The following TCF7L1 variants were observed in gnomAD, a reference collection of about 807,000 sequenced individuals.
TCF7L1 encodes the protein transcription factor 7 like 1.
Under a neutral mutation model 63.7 loss-of-function variants are expected in TCF7L1, and 18 were observed. The observed-to-expected ratio is 0.28, with a 90% CI of 0.20 to 0.42. The LOEUF (loss-of-function observed/expected upper bound fraction) is 0.42. TCF7L1 is among the 10% of genes least tolerant of loss of function. The pLI is 1.00. For missense variants in TCF7L1, 654 were observed against 779.3 expected (o/e 0.84, Z 1.91); for synonymous variants, 355 against 340.9 (o/e 1.04, Z -0.46).
chr2:85,309,658 A>G lies in TCF7L1; in HGVS notation c.*196A>G. On this transcript the variant is annotated 3_prime_UTR_variant, in exon 12 of 12. Coordinates refer to ENST00000282111, the MANE Select transcript of TCF7L1 (RefSeq NM_031283.3). ...TAAGGCTTTTTTAAAAAACAAAACA[A>G]AACAACAAAAAAAAATCTTTATAAG... 1 of 489,398 alleles carries G rather than the reference A, an allele frequency of 2.0e-6. No individual in the cohort carries two copies. The highest frequency in any genetic ancestry group is 3.4e-6 in the Non-Finnish European group (1 of 292,440). The allele number at this position is 489,398 out of a possible 1,614,324, so 30.3% of individuals were successfully genotyped here.
At chr2:85,221,840 C>A (rs1222539243) in intron 3 of TCF7L1, among the ~76,000 whole-genome samples, 1 of 151,770 alleles carries the variant, frequency 6.6e-6, no homozygotes, top group Non-Finnish European at 1.5e-5. Flanking sequence ...TTGATCAAGC[C>A]TCTAGATCTA....
At chr2:85,288,671 C>T (rs542265070) in intron 4 of TCF7L1, among the ~76,000 whole-genome samples, 2 of 152,252 alleles carry the variant, frequency 1.3e-5, no homozygotes, top group South Asian at 2.1e-4. Flanking sequence ...CAACTGGGCC[C>T]GGGTGCGGGA....
At chr2:85,136,489 T>G (rs1213353716) in intron 3 of TCF7L1, among the ~76,000 whole-genome samples, 1 of 152,194 alleles carries the variant, frequency 6.6e-6, no homozygotes, top group Non-Finnish European at 1.5e-5. Flanking sequence ...TCTGCATGCC[T>G]CTCTGACTGT....
rs937867863 is a variant in TCF7L1, at chr2:85,310,281, GCTT to G, written c.*825_*827del. Reference sequence around the variant, plus strand: ...TGTTCCCTTCCCCATCACCTCACATGCTTCTTCTGTGTGTATTTCTTTTTGTTT... The same window carrying G: ...TGTTCCCTTCCCCATCACCTCACATGCTTCTGTGTGTATTTCTTTTTGTTT... On this transcript the variant is annotated 3_prime_UTR_variant, in exon 12 of 12. Coordinates refer to ENST00000282111, the MANE Select transcript of TCF7L1 (RefSeq NM_031283.3). 4 of 152,570 alleles carry G rather than the reference GCTT, an allele frequency of 2.6e-5. No homozygotes were observed. Among genetic ancestry groups the G allele is most frequent in the African/African-American group, 7.2e-5 (3 of 41,422 alleles). The allele number at this position is 152,570 out of a possible 1,614,324, so 9.5% of individuals were successfully genotyped here. A position where few individuals can be genotyped will look rare whatever the true frequency, so the allele number is the denominator to read the frequency against.
chr2:85,230,491 G>A (rs977740172), intron 3 of TCF7L1, among the ~76,000 whole-genome samples: 10 of 151,980 alleles, frequency 6.6e-5, no homozygotes, highest in African/African-American at 2.2e-4. Context: ...CCATCACCAC[G>A]CCCAGCTAAT....
intron 3 of TCF7L1, among the ~76,000 whole-genome samples, chr2:85,184,180 A>T (rs1678862570): frequency 6.6e-6 from 1 of 152,166 alleles, no homozygotes; most frequent in African/African-American, 2.4e-5. Flanking sequence ...GGAGGTGTCC[A>T]TGTGGGTTAG....
intron 4 of TCF7L1, among the ~76,000 whole-genome samples, chr2:85,290,572 C>T (rs1157963226): frequency 6.6e-6 from 1 of 152,120 alleles, no homozygotes; most frequent in East Asian, 1.9e-4. Flanking sequence ...CATGAGTTCA[C>T]CACAATCAAG....
At chr2:85,227,058 C>T (rs1679972753) in intron 3 of TCF7L1, among the ~76,000 whole-genome samples, 1 of 152,126 alleles carries the variant, frequency 6.6e-6, no homozygotes, top group Admixed American at 6.5e-5. Context: ...CAAAAGCGTA[C>T]ATAGAGTGGC....
chr2:85,138,391 G>A (rs1407425800), intron 3 of TCF7L1, among the ~76,000 whole-genome samples: 8 of 152,192 alleles, frequency 5.3e-5, no homozygotes, highest in East Asian at 1.9e-4. Context: ...CTGTTTTTAG[G>A]AGTTGTATGT....
At chr2:85,234,791 A>G (rs571774235) in intron 3 of TCF7L1, among the ~76,000 whole-genome samples, 1 of 152,204 alleles carries the variant, frequency 6.6e-6, no homozygotes, top group African/African-American at 2.4e-5. Flanking sequence ...TCATGGACAC[A>G]TGGGAAGAAA....
chr2:85,179,002 C>T (rs540712338), intron 3 of TCF7L1, among the ~76,000 whole-genome samples: 1 of 152,292 alleles, frequency 6.6e-6, no homozygotes, highest in South Asian at 2.1e-4. Flanking sequence ...ACCCACCCGT[C>T]AGAGCCTGGG....
rs373944910 is a variant in TCF7L1 at position 85,153,637 on chromosome 2, G to A, written c.441+19187G>A. ...ATTACAGGCGTGAGCCACTGCACCCGGCTAGCCTCTATAAAATTTAATCTC... is the reference window on the plus strand; with the variant it reads ...ATTACAGGCGTGAGCCACTGCACCCAGCTAGCCTCTATAAAATTTAATCTC... On this transcript the variant is annotated intron_variant, in intron 3 of 11. Coordinates refer to ENST00000282111, the MANE Select transcript of TCF7L1 (RefSeq NM_031283.3). Among the ~76,000 whole-genome samples, 8 of 152,130 alleles carry A rather than the reference G, an allele frequency of 5.3e-5. 1 individual carries two copies. Among genetic ancestry groups the A allele is most frequent in the African/African-American group, 1.7e-4 (7 of 41,480 alleles).
At chr2:85,244,929 G>A (rs1231043897) in intron 3 of TCF7L1, among the ~76,000 whole-genome samples, 5 of 152,138 alleles carry the variant, frequency 3.3e-5, no homozygotes, top group Admixed American at 1.3e-4. Context: ...CCTGGTGGGC[G>A]CCGCATTCCT....
intron 3 of TCF7L1, among the ~76,000 whole-genome samples, chr2:85,184,891 C>T (rs1458349086): frequency 6.6e-6 from 1 of 151,938 alleles, no homozygotes; most frequent in Non-Finnish European, 1.5e-5. Context: ...CTGATCCTCA[C>T]AGCACCCTTA....
At chr2:85,245,860 T>A (rs1347418345) in intron 3 of TCF7L1, among the ~76,000 whole-genome samples, 1 of 149,352 alleles carries the variant, frequency 6.7e-6, no homozygotes, top group African/African-American at 2.5e-5. Context: ...AGACCAACAG[T>A]TGCCCATAGA....
intron 3 of TCF7L1, among the ~76,000 whole-genome samples, chr2:85,255,997 A>G (rs1158391816): frequency 6.6e-6 from 1 of 152,112 alleles, no homozygotes; most frequent in Non-Finnish European, 1.5e-5. Context: ...CTGCCTGGCA[A>G]ATGGGAGGTT....
chr2:85,300,963 A>G (rs1681956914), intron 4 of TCF7L1, among the ~76,000 whole-genome samples: 1 of 152,008 alleles, frequency 6.6e-6, no homozygotes, highest in African/African-American at 2.4e-5. Context: ...TATTTTTAGT[A>G]GAGACAGGGT....
chr2:85,302,146 A>G (rs1468951827), intron 4 of TCF7L1, among the ~76,000 whole-genome samples: 2 of 151,206 alleles, frequency 1.3e-5, no homozygotes, highest in Admixed American at 1.3e-4. Flanking sequence ...AAACAAAACA[A>G]AAAAAAAACC....
chr2:85,252,247 G>T (rs888191624), intron 3 of TCF7L1, among the ~76,000 whole-genome samples: 1 of 152,180 alleles, frequency 6.6e-6, no homozygotes, highest in African/African-American at 2.4e-5. Context: ...CTCCCCACAG[G>T]CTAGCTGATG....
Sources: gnomAD v4.1 joint callset for allele counts (sites outside exome capture counted in the v4.1 genomes callset) on GRCh38, gnomAD v4.1.1 for gene constraint, MANE v1.5 for transcripts, NCBI Gene and HGNC (gene_info 2026-07-23, HGNC 2026-07-21) for gene names.